MPIG6B: variants seen among roughly 807,000 people sequenced by gnomAD.
The protein encoded by MPIG6B is megakaryocyte and platelet inhibitory receptor G6b.
A neutral mutation model predicts 24.2 loss-of-function variants in MPIG6B; 22 were observed. The observed-to-expected ratio is 0.91, with a 90% CI of 0.65 to 1.30. The LOEUF (loss-of-function observed/expected upper bound fraction) is 1.30. Ranked by LOEUF, MPIG6B falls within the 50% of genes most tolerant of loss-of-function variation. The pLI is 0.00. For synonymous variants in MPIG6B, 136 were observed against 142.0 expected, an observed-to-expected ratio of 0.96 and a Z score of 0.30; for missense variants, 301 against 318.5, an observed-to-expected ratio of 0.94 and a Z score of 0.42.
In MPIG6B at chr6:31,723,411, C is replaced by T. The variant is rs1806973714; in HGVS notation, c.28C>T (p.Leu10=). MAVFLQLLP[L]LLSRAQGNPG... ...GGCTGTGTTTCTGCAGCTGCTACCG[C>T]TGCTGCTCTCGAGGGCCCAAGGGAA... Residue 10 remains leucine (L), a synonymous_variant, in exon 1 of 6, where the codon CTG becomes TTG. Coordinates refer to ENST00000649779, the MANE Select transcript of MPIG6B (RefSeq NM_138272.3). This position sits in a 1 kb window ranked among gnomAD's most constrained non-coding sequence, Gnocchi z 4.3. The T allele has an allele frequency of 3.1e-6, 5 of 1,613,008 alleles. No individual in the cohort carries two copies. Among genetic ancestry groups the T allele is most frequent in the Non-Finnish European group, 3.4e-6 (4 of 1,179,964 alleles).
chr6:31,724,600 C>T lies in MPIG6B; in HGVS notation c.514C>T (p.Gln172Ter). The change falls in exon 4 of 6, where the codon CAA becomes TAA. Residue 172 changes from glutamine (Q) to a stop codon, truncating the protein, a stop_gained. Transcript: ENST00000649779. LOFTEE classifies it high-confidence loss of function. ...VWWLHRRLPPQPIRPLPRFAP... is the reference protein window; with the variant it reads ...VWWLHRRLPP ...TGTCCCTTACAGGCGCCTGCCCCCGCAACCGATTCGACCACTCCCTAGATT... is the reference window on the plus strand; with the variant it reads ...TGTCCCTTACAGGCGCCTGCCCCCGTAACCGATTCGACCACTCCCTAGATT... 6.2e-7 allele frequency: 1 copy of T among 1,613,964 alleles called. No homozygotes were observed. The highest frequency in any genetic ancestry group is 8.5e-7 in the Non-Finnish European group (1 of 1,179,790).
upstream of MPIG6B, chr6:31,723,118 G>T: frequency 3.6e-6 from 2 of 552,392 alleles, no homozygotes; most frequent in South Asian, 4.0e-5. The surrounding 1 kb of genome is among the most constrained non-coding windows in gnomAD (Gnocchi z 4.3). Flanking sequence ...AAGTAGCTGG[G>T]ATTACAGGCG....
rs1807349536 is a variant in MPIG6B at position 31,726,186 on chromosome 6, A to G, written c.*1112A>G. ...TGCTTTCCTCCCTGAAGTCAGAGAG[A>G]TCCTACTCAAGAGATAACTGCTCCT... On this transcript the variant is annotated 3_prime_UTR_variant, in exon 6 of 6. Coordinates refer to ENST00000649779, the MANE Select transcript of MPIG6B (RefSeq NM_138272.3). The surrounding 1 kb of genome is among the most constrained non-coding windows in gnomAD (Gnocchi z 5.1). The G allele has an allele frequency of 6.6e-6, 1 of 152,318 alleles. No individual in the cohort carries two copies. The highest frequency in any genetic ancestry group is 1.5e-5 in the Non-Finnish European group (1 of 68,062). 9.4% of individuals were successfully genotyped at this position (152,318 alleles called of 1,614,324 possible). A position where few individuals can be genotyped will look rare whatever the true frequency, so the allele number is the denominator to read the frequency against.
chr6:31,724,390 G>T (rs1315516069), intron 3 of MPIG6B, 158 bp downstream of exon 3: 6 of 753,866 alleles, frequency 8.0e-6, no homozygotes, highest in Non-Finnish European at 9.0e-6. Flanking sequence ...CCGCTGACTG[G>T]TGAGTAGAGC....
chr6:31,723,267 T>A, upstream of MPIG6B: 15 of 628,348 alleles, frequency 2.4e-5, no homozygotes, highest in Non-Finnish European at 3.7e-5. This position sits in a 1 kb window ranked among gnomAD's most constrained non-coding sequence, Gnocchi z 4.3. Context: ...CCGCCCCCTC[T>A]CTTATCGGAG....
chr6:31,720,382 G>A (rs543842852), upstream of MPIG6B, among the ~76,000 whole-genome samples: 1 of 152,320 alleles, frequency 6.6e-6, no homozygotes, highest in East Asian at 1.9e-4. The surrounding 1 kb of genome is among the most constrained non-coding windows in gnomAD (Gnocchi z 4.9). Context: ...TGGAAAGTGG[G>A]CGGCAGGTAA....
Position 31,724,193 on chromosome 6 carries a change from T to C in MPIG6B, c.461T>C (p.Leu154Pro). 6.2e-7 allele frequency: 1 copy of C among 1,613,222 alleles called. No individual in the cohort carries two copies. Among genetic ancestry groups the C allele is most frequent in the Non-Finnish European group, 8.5e-7 (1 of 1,179,940 alleles). The change falls in exon 3 of 6, where the codon CTC (leucine) becomes CCC (proline). Residue 154 changes from leucine (L) to proline (P), a missense_variant. Physicochemically the swap from Leu to Pro is moderately conservative, Grantham distance 98. Coordinates refer to ENST00000649779, the MANE Select transcript of MPIG6B (RefSeq NM_138272.3). ...CCGCTGCTGGGCGCTGGGTTGGTGC[T>C]CGGACTGGGAGCTTTGGGCCTGGTC... ...LIPLLGAGLVLGLGALGLVWW... is the reference protein window; with the variant it reads ...LIPLLGAGLVPGLGALGLVWW...
upstream of MPIG6B, among the ~76,000 whole-genome samples, chr6:31,722,481 C>T (rs1043300518): frequency 2.6e-5 from 4 of 152,204 alleles, no homozygotes; most frequent in Non-Finnish European, 4.4e-5. Flanking sequence ...CCTCCCCAGT[C>T]AAAACCTGCC....
chr6:31,723,321 T>TC (rs879692929), upstream of MPIG6B: 378 of 1,295,004 alleles, frequency 2.9e-4, no homozygotes, highest in East Asian at 7.7e-4. This position sits in a 1 kb window ranked among gnomAD's most constrained non-coding sequence, Gnocchi z 4.3. Flanking sequence ...TTCCCTCCGG[T>TC]CCCCCCCCAA....
upstream of MPIG6B, chr6:31,721,986 C>T: frequency 7.2e-6 from 3 of 418,384 alleles, no homozygotes; most frequent in Non-Finnish European, 1.3e-5. Flanking sequence ...CCTTCCTGGT[C>T]CCCAGCTAAG....
Position 31,725,006 on chromosome 6 carries a change from A to C in MPIG6B, c.658A>C (p.Ser220Arg), listed in dbSNP as rs1414161472. ...TGCGGATCTGGACCATCTAGCCCTC[A>C]GCAGGCCCCGCCGGCTGTCCACAGC... ...LYADLDHLAL[S>R]RPRRLSTADP... The change falls in exon 6 of 6, where the codon AGC becomes CGC. Residue 220 changes from serine to arginine, a missense_variant. Coordinates refer to ENST00000649779, the MANE Select transcript of MPIG6B (RefSeq NM_138272.3). The surrounding 1 kb of genome is among the most constrained non-coding windows in gnomAD (Gnocchi z 5.2). 6.2e-7 allele frequency: 1 copy of C among 1,613,730 alleles called. No individual in the cohort carries two copies. Among genetic ancestry groups the C allele is most frequent in the Non-Finnish European group, 8.5e-7 (1 of 1,179,992 alleles).
At chr6:31,720,565 T>C (rs910215285), upstream of MPIG6B, among the ~76,000 whole-genome samples, 1 of 151,876 alleles carries the variant, frequency 6.6e-6, no homozygotes, top group African/African-American at 2.4e-5. The surrounding 1 kb of genome is among the most constrained non-coding windows in gnomAD (Gnocchi z 4.9). Context: ...AAGGAGGAGA[T>C]GGAAACTTGA....
chr6:31,725,195 C>A lies in MPIG6B; in HGVS notation c.*121C>A. 1 of 709,080 alleles carries A rather than the reference C, an allele frequency of 1.4e-6. No homozygotes were observed. Among genetic ancestry groups the A allele is most frequent in the Non-Finnish European group, 2.4e-6 (1 of 419,912 alleles). The allele number at this position is 709,080 out of a possible 1,614,324, so 43.9% of individuals were successfully genotyped here. ...CCATGGTATAGAAATAAGTGCTAGA[C>A]TGGGAGTTGGGAGACCTGGGTTCCA... On this transcript the variant is annotated 3_prime_UTR_variant, in exon 6 of 6. Coordinates refer to ENST00000649779, the MANE Select transcript of MPIG6B (RefSeq NM_138272.3). This position sits in a 1 kb window ranked among gnomAD's most constrained non-coding sequence, Gnocchi z 5.2.
In MPIG6B at chr6:31,725,149, C is replaced by G; in HGVS notation, c.*75C>G. 8.9e-7 allele frequency: 1 copy of G among 1,117,838 alleles called. No individual in the cohort carries two copies. Among genetic ancestry groups the G allele is most frequent in the Non-Finnish European group, 1.3e-6 (1 of 745,472 alleles). The allele number at this position is 1,117,838 out of a possible 1,614,324, so 69.2% of individuals were successfully genotyped here. On this transcript the variant is annotated 3_prime_UTR_variant, in exon 6 of 6. Transcript: ENST00000649779. The surrounding 1 kb of genome is among the most constrained non-coding windows in gnomAD (Gnocchi z 5.2). ...ATAATCCCTCTCCCCTCCTTGGTTC[C>G]TCACCTGGAAGAGGAAGGCACCATG...
At position 31,724,497 on chromosome 6, in the gene MPIG6B, A is replaced by C; in HGVS notation, c.501-90A>C. On this transcript the variant is annotated intron_variant, in intron 3 of 5. Coordinates refer to ENST00000649779, the MANE Select transcript of MPIG6B (RefSeq NM_138272.3). ...TAAGTTGTTTCCGGTCTGAGCCTTC[A>C]AGTTGCTGGGCTGTCCTTGGCGTGG... is the stretch of plus-strand genomic sequence containing the variant. 3 of 1,134,744 alleles carry C rather than the reference A, an allele frequency of 2.6e-6. No individual in the cohort carries two copies. In the South Asian group the frequency reaches 3.7e-5, roughly 14 times the overall value. The allele number at this position is 1,134,744 out of a possible 1,614,324, so 70.3% of individuals were successfully genotyped here.
chr6:31,722,716 GT>G (rs1806889014), upstream of MPIG6B, among the ~76,000 whole-genome samples: 4 of 150,544 alleles, frequency 2.7e-5, no homozygotes, highest in Admixed American at 2.6e-4. Flanking sequence ...TTAGTCAGGT[GT>G]GGTGGCATGC....
At position 31,724,955 on chromosome 6, in the gene MPIG6B, C is replaced by T; in HGVS notation, c.622-15C>T. On this transcript the variant is annotated splice_polypyrimidine_tract_variant and intron_variant, in intron 5 of 5. Transcript: ENST00000649779. ...CTGTGGAGACCATCTTGTCTTCCTC[C>T]CCTTCCTCCTCCAGAGCCTGCTCTA... 1 of 1,612,742 alleles carries T rather than the reference C, an allele frequency of 6.2e-7. No homozygotes were observed. Among genetic ancestry groups the T allele is most frequent in the Non-Finnish European group, 8.5e-7 (1 of 1,179,220 alleles).
chr6:31,721,727 A>AT, upstream of MPIG6B: 1 of 1,598,926 alleles, frequency 6.3e-7, no homozygotes, highest in Non-Finnish European at 8.6e-7. Context: ...GATAGAGTAG[A>AT]TTTTCAAGGA....
At chr6:31,720,325 G>A (rs1806715066), upstream of MPIG6B, 1 of 666,424 alleles carries the variant, frequency 1.5e-6, no homozygotes, top group Non-Finnish European at 2.7e-6. This position sits in a 1 kb window ranked among gnomAD's most constrained non-coding sequence, Gnocchi z 4.9. Context: ...AACCTGTTTG[G>A]CTGTTTGGTC....
Sources: gnomAD v4.1 joint callset for allele counts (sites outside exome capture counted in the v4.1 genomes callset) on GRCh38, gnomAD v4.1.1 for gene constraint, Gnocchi (gnomAD v3.1) non-coding constraint, MANE v1.5 for transcripts, NCBI Gene and HGNC (gene_info 2026-07-23, HGNC 2026-07-21) for gene names.